The following ZNF559 variants were observed in gnomAD, a reference collection of about 807,000 sequenced individuals.
The protein encoded by ZNF559 is putative protein product of Nbla00121.
ZNF559 carries 17 observed loss-of-function variants against 14.2 expected under a neutral mutation model. The ratio of observed to expected loss-of-function variants is 1.20; its 90% CI spans 0.82 to 1.80. The LOEUF is 1.80. Among genes scored for constraint, ZNF559 ranks in the 40% most tolerant of loss-of-function variants. The pLI, the probability that ZNF559 is intolerant of heterozygous loss-of-function variation, is 0.00. For synonymous variants in ZNF559, 244 were observed against 212.4 expected (o/e 1.15, Z -1.29); for missense variants, 740 against 629.7 (o/e 1.18, Z -1.88).
At chr19:9,325,789 A>C (rs1219666407) in intron 2 of ZNF559, among the ~76,000 whole-genome samples, 1 of 44,544 alleles carries the variant, frequency 2.2e-5, no homozygotes, top group Non-Finnish European at 4.2e-5. Flanking sequence ...CCGTCTCCAA[A>C]AAAAAAAAAA....
chr19:9,339,152 G>C, intron 4 of ZNF559, 41 bp from the exon 5 acceptor site: 1 of 1,611,574 alleles, frequency 6.2e-7, no homozygotes, highest in Non-Finnish European at 8.5e-7. Context: ...ACATAGTGGA[G>C]AACGTACTTG....
chr19:9,340,629 C>T (rs546834080), intron 5 of ZNF559, among the ~76,000 whole-genome samples: 38 of 149,098 alleles, frequency 2.5e-4, no homozygotes, highest in South Asian at 1.3e-3. Context: ...TGCAGTGGCG[C>T]GATCTCAGCT....
intron 2 of ZNF559, among the ~76,000 whole-genome samples, chr19:9,328,162 T>C (rs1452826964): frequency 6.6e-6 from 1 of 152,132 alleles, no homozygotes; most frequent in Non-Finnish European, 1.5e-5. Flanking sequence ...ATGACACTGA[T>C]ATATTATTTG....
At chr19:9,327,284 G>C (rs948338560) in intron 2 of ZNF559, among the ~76,000 whole-genome samples, 5 of 150,520 alleles carry the variant, frequency 3.3e-5, no homozygotes, top group African/African-American at 1.2e-4. Context: ...GTCTCACTCT[G>C]CCGCCCAGGC....
chr19:9,333,325 C>T (rs2067037727), intron 2 of ZNF559, among the ~76,000 whole-genome samples: 2 of 152,160 alleles, frequency 1.3e-5, no homozygotes, highest in African/African-American at 2.4e-5. Flanking sequence ...AATGGGACTT[C>T]TAAGTCAAAG....
At chr19:9,339,393 T>A (rs902478107) in intron 5 of ZNF559, 74 bp downstream of exon 5, 1 of 1,495,248 alleles carries the variant, frequency 6.7e-7, no homozygotes, top group African/African-American at 1.4e-5. Context: ...TGTTCTAGAC[T>A]CTGCTTGTTA....
chr19:9,342,451 T>C lies in ZNF559; in HGVS notation c.1000T>C (p.Phe334Leu). 6.2e-7 allele frequency: 1 copy of C among 1,614,186 alleles called. No individual in the cohort carries two copies. The highest frequency in any genetic ancestry group is 8.5e-7 in the Non-Finnish European group (1 of 1,180,032). The change falls in exon 7 of 7, where the codon TTC (phenylalanine) becomes CTC (leucine). Residue 334 changes from phenylalanine to leucine, a missense_variant. Physicochemically the swap from Phe to Leu is conservative, Grantham distance 22. Coordinates refer to ENST00000603380, the MANE Select transcript of ZNF559 (RefSeq NM_032497.3). Reference sequence around the variant, plus strand: ...TGAGTGCAACAAATGTGGGAAAGCCTTCACTGATTCATCAGGTCTTATAAA... The same window carrying C: ...TGAGTGCAACAAATGTGGGAAAGCCCTCACTGATTCATCAGGTCTTATAAA... ...PYECNKCGKA[F>L]TDSSGLIKHR...
chr19:9,333,694 C>T (rs2067063172), intron 2 of ZNF559, among the ~76,000 whole-genome samples: 2 of 151,252 alleles, frequency 1.3e-5, no homozygotes, highest in South Asian at 2.1e-4. Flanking sequence ...TGTCCCCCAC[C>T]CCCACCCAGA....
chr19:9,324,426 C>T, intron 1 of ZNF559, 198 bp downstream of exon 1: 3 of 1,441,728 alleles, frequency 2.1e-6, no homozygotes, highest in Non-Finnish European at 2.7e-6. Context: ...GGGGTCGAGG[C>T]GGCTGCGCTG....
rs549385163 is a variant in ZNF559, at chr19:9,344,028, G to C, written c.*960G>C. ...AAAGGCCGAAGCGAGTGGATCATTT[G>C]AGGTCAGGAGTTCGAGACCAGCCTG... On this transcript the variant is annotated 3_prime_UTR_variant, in exon 7 of 7. Coordinates refer to ENST00000603380, the MANE Select transcript of ZNF559 (RefSeq NM_032497.3). 6.2e-6 allele frequency: 1 copy of C among 162,180 alleles called. No homozygotes were observed. Among genetic ancestry groups the C allele is most frequent in the African/African-American group, 2.4e-5 (1 of 41,666 alleles). The allele number at this position is 162,180 out of a possible 1,614,324, so 10.0% of individuals were successfully genotyped here. A position where few individuals can be genotyped will look rare whatever the true frequency, so the allele number is the denominator to read the frequency against.
chr19:9,327,623 T>G (rs563735466), intron 2 of ZNF559, among the ~76,000 whole-genome samples: 1 of 152,336 alleles, frequency 6.6e-6, no homozygotes, highest in Non-Finnish European at 1.5e-5. Flanking sequence ...TAACAGTTTT[T>G]TTTCCTAGTT....
Position 9,341,757 on chromosome 19 carries a change from A to G in ZNF559, c.306A>G (p.Glu102=). Reference sequence around the variant, plus strand: ...ACCAATGTGAAAAAGCCTTGAGTGAACACTCATGCCTTAAGACTCACAGGA... The same window carrying G: ...ACCAATGTGAAAAAGCCTTGAGTGAGCACTCATGCCTTAAGACTCACAGGA... ...DFNQCEKALS[E]HSCLKTHRRT... Residue 102 remains glutamate (E), a synonymous_variant, in exon 7 of 7, where the codon GAA becomes GAG. Transcript: ENST00000603380. 6.2e-7 allele frequency: 1 copy of G among 1,600,342 alleles called. No homozygotes were observed. Among genetic ancestry groups the G allele is most frequent in the Non-Finnish European group, 8.5e-7 (1 of 1,176,330 alleles).
chr19:9,338,570 A>C lies in ZNF559; in HGVS notation c.21A>C (p.Thr7=). 1 of 1,613,670 alleles carries C rather than the reference A, an allele frequency of 6.2e-7. No homozygotes were observed. The highest frequency in any genetic ancestry group is 2.2e-5 in the East Asian group (1 of 44,850). Residue 7 remains threonine, a synonymous_variant, in exon 4 of 7, where the codon ACA becomes ACC. Coordinates refer to ENST00000603380, the MANE Select transcript of ZNF559 (RefSeq NM_032497.3). ...AAAGGATGGTGGCTGGGTGGTTGACAAATTACTCTCAGGTAAGTAGGAAAT... is the reference window on the plus strand; with the variant it reads ...AAAGGATGGTGGCTGGGTGGTTGACCAATTACTCTCAGGTAAGTAGGAAAT... MVAGWL[T]NYSQDSVTFE...
chr19:9,327,330 C>A (rs1000908640), intron 2 of ZNF559, among the ~76,000 whole-genome samples: 2 of 152,178 alleles, frequency 1.3e-5, no homozygotes, highest in Non-Finnish European at 2.9e-5. Context: ...TCACTGCAAC[C>A]TCCGCCTCCC....
rs891038246 is a variant in ZNF559, at chr19:9,336,626, A to G, written c.-119-1170A>G. 1.2e-4 allele frequency among the ~76,000 whole-genome samples: 19 copies of G among 152,158 alleles called. 1 individual carries two copies. The highest frequency in any genetic ancestry group is 2.1e-4 in the Non-Finnish European group (14 of 68,032). On this transcript the variant is annotated intron_variant, in intron 2 of 6. Transcript: ENST00000603380. ...AAAACAAAAAAAAACTTATGTGTTT[A>G]TTATCTGCTTAGCCCTTTAGAATGT... is the stretch of plus-strand genomic sequence containing the variant.
At position 9,338,516 on chromosome 19, in the gene ZNF559, C is replaced by T; in HGVS notation, c.-34C>T. ...AAGATCATCTTTCTCAAGATGTTTTCTGTCTTCATGAGTCAAAATTTGAAG... is the reference window on the plus strand; with the variant it reads ...AAGATCATCTTTCTCAAGATGTTTTTTGTCTTCATGAGTCAAAATTTGAAG... On this transcript the variant is annotated 5_prime_UTR_variant, in exon 4 of 7. Transcript: ENST00000603380. 4 of 1,613,750 alleles carry T rather than the reference C, an allele frequency of 2.5e-6. No homozygotes were observed. Among genetic ancestry groups the T allele is most frequent in the Non-Finnish European group, 1.7e-6 (2 of 1,179,724 alleles).
chr19:9,339,348 GT>G lies in ZNF559; in HGVS notation c.160+36del, dbSNP rs779040718. The stretch of plus-strand genomic sequence containing the variant: ...AGGCTGGTACCATTCTTTTCATTTA[GT>G]TTTTTTCTGGAACAAATGTGTCTTA... On this transcript the variant is annotated intron_variant, in intron 5 of 6. Transcript: ENST00000603380. 2.2e-5 allele frequency: 35 copies of G among 1,573,442 alleles called. No homozygotes were observed. In the African/African-American group the frequency reaches 2.6e-4, roughly 12 times the overall value.
chr19:9,335,105 C>T (rs1198686342), intron 2 of ZNF559, among the ~76,000 whole-genome samples: 1 of 147,266 alleles, frequency 6.8e-6, no homozygotes, highest in African/African-American at 2.6e-5. Flanking sequence ...CACTGCACTC[C>T]AGCCTGGGTG....
Position 9,324,208 on chromosome 19 carries a change from G to C in ZNF559, c.-226G>C. 6.5e-7 allele frequency: 1 copy of C among 1,536,112 alleles called. No individual in the cohort carries two copies. Among genetic ancestry groups the C allele is most frequent in the Non-Finnish European group, 8.7e-7 (1 of 1,146,886 alleles). On this transcript the variant is annotated 5_prime_UTR_variant, in exon 1 of 7. Coordinates refer to ENST00000603380, the MANE Select transcript of ZNF559 (RefSeq NM_032497.3). ...GCATAACGGCCGCCATCTTAACAGC[G>C]CGTTCCCGTTGGCGTCTGAGGTAAG...
Sources: allele counts gnomAD v4.1 joint callset (sites outside exome capture counted in the v4.1 genomes callset), GRCh38; gene constraint gnomAD v4.1.1; transcripts MANE v1.5; gene names NCBI Gene and HGNC (gene_info 2026-07-23, HGNC 2026-07-21).